Variants in AUTS2 observed in about 807,000 individuals in gnomAD.
The protein encoded by AUTS2 is activator of transcription and developmental regulator AUTS2.
A neutral mutation model predicts 112.4 loss-of-function variants in AUTS2; 17 were observed. That is an observed-to-expected ratio of 0.15 (90% CI 0.10 to 0.23). The LOEUF (loss-of-function observed/expected upper bound fraction) is 0.23, where lower values mean the gene tolerates loss of function less well. Among genes scored for constraint, AUTS2 ranks in the 10% least tolerant of loss-of-function variants. The pLI, the probability that AUTS2 is intolerant of heterozygous loss-of-function variation, is 1.00. For missense variants in AUTS2, 1,510 were observed against 1,701.6 expected (o/e 0.89, Z 1.98); for synonymous variants, 751 against 702.7 (o/e 1.07, Z -1.09).
chr7:69,862,570 C>A lies in AUTS2; in HGVS notation c.310-36716C>A, dbSNP rs149622170. On this transcript the variant is annotated intron_variant, in intron 1 of 18. Transcript: ENST00000342771. ...TTTTGCTTTTTTTTAGGGTCAGAAA[C>A]TTCCCCTTAGACAGTTGTGTATGAG... Among the ~76,000 whole-genome samples, 7 of 152,192 alleles carry A rather than the reference C, an allele frequency of 4.6e-5. No individual in the cohort carries two copies. The East Asian group carries it at 1.4e-3, about 29-fold the overall frequency.
chr7:70,640,156 G>A (rs770167725), intron 5 of AUTS2, among the ~76,000 whole-genome samples: 1 of 151,990 alleles, frequency 6.6e-6, no homozygotes, highest in Non-Finnish European at 1.5e-5. Context: ...TCTCTTTCTC[G>A]GGGAGGCTGT....
intron 5 of AUTS2, among the ~76,000 whole-genome samples, chr7:70,513,345 C>G (rs1009939993): frequency 2.0e-5 from 3 of 152,200 alleles, no homozygotes; most frequent in African/African-American, 7.2e-5. Context: ...ATGGAGAGCA[C>G]AGCACCAGAA....
intron 4 of AUTS2, among the ~76,000 whole-genome samples, chr7:70,387,345 T>C (rs1359298649): frequency 6.6e-6 from 1 of 152,206 alleles, no homozygotes; most frequent in African/African-American, 2.4e-5. Flanking sequence ...TGGAGCTCAG[T>C]TGACTATTCC....
chr7:70,091,117 C>T (rs1016741597), intron 2 of AUTS2, among the ~76,000 whole-genome samples: 6 of 151,982 alleles, frequency 3.9e-5, no homozygotes, highest in Non-Finnish European at 1.5e-5. Flanking sequence ...TTTCTTTTCC[C>T]TTCTCCCAGT....
At chr7:70,278,813 T>A (rs1323832635) in intron 4 of AUTS2, among the ~76,000 whole-genome samples, 1 of 152,186 alleles carries the variant, frequency 6.6e-6, no homozygotes, top group Non-Finnish European at 1.5e-5. Flanking sequence ...GTTGTCGTTC[T>A]TTTAGGATTT....
At chr7:69,981,778 A>G (rs10257549) in intron 2 of AUTS2, among the ~76,000 whole-genome samples, 55,062 of 152,138 alleles carry the variant, frequency 0.36, 10,569 homozygotes, top group African/African-American at 0.49. Flanking sequence ...ATGCTAACAG[A>G]CATCAGAGCA....
intron 4 of AUTS2, among the ~76,000 whole-genome samples, chr7:70,421,143 A>C (rs897132413): frequency 6.6e-5 from 10 of 152,230 alleles, no homozygotes; most frequent in Non-Finnish European, 1.2e-4. Flanking sequence ...AGAAAAAGGC[A>C]TAAGAAGGTA....
chr7:70,214,467 G>A (rs985201045), intron 4 of AUTS2, among the ~76,000 whole-genome samples: 16 of 152,152 alleles, frequency 1.1e-4, no homozygotes, highest in African/African-American at 3.9e-4. Context: ...AAACAGTGTT[G>A]CATACAACAC....
At chr7:70,719,116 A>G (rs138059876) in intron 6 of AUTS2, among the ~76,000 whole-genome samples, 34 of 152,276 alleles carry the variant, frequency 2.2e-4, no homozygotes, top group African/African-American at 7.7e-4. Context: ...TTTGAGGTAG[A>G]TGGTATTAAC....
chr7:69,644,250 G>A (rs944204803), intron 1 of AUTS2, among the ~76,000 whole-genome samples: 2 of 152,124 alleles, frequency 1.3e-5, no homozygotes, highest in Non-Finnish European at 2.9e-5. Flanking sequence ...AGTGAGCCAG[G>A]GCCAGTGGCA....
intron 4 of AUTS2, among the ~76,000 whole-genome samples, chr7:70,236,436 A>G (rs1413630184): frequency 6.6e-6 from 1 of 152,094 alleles, no homozygotes; most frequent in Non-Finnish European, 1.5e-5. Flanking sequence ...TTTTGGGGGG[A>G]ACTAAAAAGC....
chr7:70,231,505 C>T (rs1232777690), intron 4 of AUTS2, among the ~76,000 whole-genome samples: 6 of 152,094 alleles, frequency 3.9e-5, no homozygotes, highest in East Asian at 1.9e-4. Flanking sequence ...TGCAGTGGCA[C>T]GATCTTGGCT....
At chr7:70,673,985 C>G in intron 5 of AUTS2, among the ~76,000 whole-genome samples, 1 of 152,166 alleles carries the variant, frequency 6.6e-6, no homozygotes, top group African/African-American at 2.4e-5. Flanking sequence ...TCAGAGATGA[C>G]AGATCTCATG....
At chr7:70,187,558 C>T (rs1809668133) in intron 4 of AUTS2, among the ~76,000 whole-genome samples, 1 of 152,058 alleles carries the variant, frequency 6.6e-6, no homozygotes, top group South Asian at 2.1e-4. Context: ...AATTAGACTG[C>T]AGTAAAGCAG....
At chr7:70,244,019 C>A (rs1469786143) in intron 4 of AUTS2, among the ~76,000 whole-genome samples, 1 of 151,862 alleles carries the variant, frequency 6.6e-6, no homozygotes, top group Non-Finnish European at 1.5e-5. Flanking sequence ...CCTATTCTTA[C>A]TGTTACTGTC....
At chr7:70,042,620 G>C (rs1378549916) in intron 2 of AUTS2, among the ~76,000 whole-genome samples, 1 of 152,166 alleles carries the variant, frequency 6.6e-6, no homozygotes, top group Non-Finnish European at 1.5e-5. Context: ...ATTTTTCCCT[G>C]TTTTTCTTGC....
At chr7:70,365,251 A>G (rs1792514937) in intron 4 of AUTS2, among the ~76,000 whole-genome samples, 1 of 152,214 alleles carries the variant, frequency 6.6e-6, no homozygotes, top group Admixed American at 6.5e-5. Flanking sequence ...CAACCCGGAT[A>G]CAAAGATTCT....
chr7:69,601,765 C>A (rs1206022014), intron 1 of AUTS2, among the ~76,000 whole-genome samples: 2 of 151,982 alleles, frequency 1.3e-5, no homozygotes, highest in African/African-American at 4.8e-5. Context: ...GTGGTGGTTA[C>A]CATACAGTGT....
At chr7:70,641,261 G>C (rs1805812785) in intron 5 of AUTS2, among the ~76,000 whole-genome samples, 1 of 152,148 alleles carries the variant, frequency 6.6e-6, no homozygotes, top group Admixed American at 6.5e-5. Flanking sequence ...ACTTGAAATA[G>C]GTCTTTCGCC....
Sources: gnomAD v4.1 joint callset for allele counts (sites outside exome capture counted in the v4.1 genomes callset) on GRCh38, gnomAD v4.1.1 for gene constraint, MANE v1.5 for transcripts, NCBI Gene and HGNC (gene_info 2026-07-23, HGNC 2026-07-21) for gene names.